The following FBXO25 variants were observed in gnomAD, a reference collection of about 807,000 sequenced individuals.
FBXO25 encodes the protein F-box protein 25.
A neutral mutation model predicts 51.9 loss-of-function variants in FBXO25; 45 were observed. The observed-to-expected ratio is 0.87, with a 90% CI of 0.68 to 1.11. The LOEUF is 1.11. FBXO25 is among the 50% of genes most tolerant of loss of function. The pLI, the probability that FBXO25 is intolerant of heterozygous loss-of-function variation, is 0.00. For missense variants in FBXO25, 507 were observed against 428.5 expected (o/e 1.18, Z -1.62); for synonymous variants, 199 against 151.0 (o/e 1.32, Z -2.33).
chr8:440,762 G>C (rs1160694764), intron 5 of FBXO25, among the ~76,000 whole-genome samples: 2 of 149,280 alleles, frequency 1.3e-5, no homozygotes, highest in African/African-American at 2.5e-5. Context: ...GACAGGCCCT[G>C]GTGTGTGATG....
At chr8:453,066 G>C (rs1019405602) in intron 7 of FBXO25, among the ~76,000 whole-genome samples, 1 of 152,194 alleles carries the variant, frequency 6.6e-6, no homozygotes, top group African/African-American at 2.4e-5. Flanking sequence ...TACAGCCCTG[G>C]TAGGCAGAGC....
At chr8:456,504 G>T (rs1799440353) in intron 7 of FBXO25, among the ~76,000 whole-genome samples, 1 of 152,226 alleles carries the variant, frequency 6.6e-6, no homozygotes, top group South Asian at 2.1e-4. Flanking sequence ...GGACCATGCT[G>T]GCTGCTGGGG....
intron 1 of FBXO25, among the ~76,000 whole-genome samples, chr8:412,718 C>T (rs964448784): frequency 7.9e-5 from 12 of 152,278 alleles, no homozygotes; most frequent in African/African-American, 2.6e-4. Flanking sequence ...ATTTCATTTT[C>T]GGTTGCTTCT....
rs992652702 is a variant in FBXO25, at chr8:469,933, T to C, written c.*1129T>C. 1.3e-5 allele frequency: 2 copies of C among 152,164 alleles called. No homozygotes were observed. The highest frequency in any genetic ancestry group is 4.8e-5 in the African/African-American group (2 of 41,446). 9.4% of individuals were successfully genotyped at this position (152,164 alleles called of 1,614,324 possible). On this transcript the variant is annotated 3_prime_UTR_variant, in exon 10 of 10. Transcript: ENST00000350302. ...CCCCACTTCTGTGAACTGACACAAA[T>C]GGCCAAGAATGCATTTATTTGTCAA...
Position 468,882 on chromosome 8 carries a change from T to G in FBXO25, c.*78T>G. On this transcript the variant is annotated 3_prime_UTR_variant, in exon 10 of 10. Transcript: ENST00000350302. ...GGCTCATAGTGAGTGTTCTGTGAGG[T>G]GGGTGGAGACTCCTCGGAAGCCCCT... 6 of 1,400,082 alleles carry G rather than the reference T, an allele frequency of 4.3e-6. No homozygotes were observed. Among genetic ancestry groups the G allele is most frequent in the Non-Finnish European group, 5.9e-6 (6 of 1,017,704 alleles). The allele number at this position is 1,400,082 out of a possible 1,614,324, so 86.7% of individuals were successfully genotyped here. A position where few individuals can be genotyped will look rare whatever the true frequency, so the allele number is the denominator to read the frequency against.
chr8:475,657 T>G lies in FBXO25; in HGVS notation c.*6853T>G, dbSNP rs1402079882. The G allele has an allele frequency of 1.3e-5, 2 of 152,218 alleles. No homozygotes were observed. Among genetic ancestry groups the G allele is most frequent in the Non-Finnish European group, 2.9e-5 (2 of 68,030 alleles). The allele number at this position is 152,218 out of a possible 1,614,324, so 9.4% of individuals were successfully genotyped here. Reference sequence around the variant, plus strand: ...TTCCTTAAGTTTATTCCTAAATATTTCAGTTTTTTTGTTACTATTATAATG... The same window carrying G: ...TTCCTTAAGTTTATTCCTAAATATTGCAGTTTTTTTGTTACTATTATAATG... On this transcript the variant is annotated 3_prime_UTR_variant, in exon 10 of 10. Transcript: ENST00000350302.
Position 476,059 on chromosome 8 carries a change from T to TGTTGA in FBXO25, c.*7259_*7263dup, listed in dbSNP as rs1174314892. The TGTTGA allele has an allele frequency of 6.6e-6, 1 of 152,152 alleles. No individual in the cohort carries two copies. Among genetic ancestry groups the TGTTGA allele is most frequent in the Admixed American group, 6.5e-5 (1 of 15,290 alleles). 9.4% of individuals were successfully genotyped at this position (152,152 alleles called of 1,614,324 possible). On this transcript the variant is annotated 3_prime_UTR_variant, in exon 10 of 10. Coordinates refer to ENST00000350302, the MANE Select transcript of FBXO25 (RefSeq NM_183420.2). The stretch of plus-strand genomic sequence containing the variant: ...TAGGTTGTTTCCTTCTATTCCCAAT[T>TGTTGA]GTTGAGTTTTTATCATGAAAGGGCA...
At chr8:423,231 A>C (rs1251821629) in intron 2 of FBXO25, among the ~76,000 whole-genome samples, 1 of 152,186 alleles carries the variant, frequency 6.6e-6, no homozygotes, top group Non-Finnish European at 1.5e-5. Context: ...TTTTCATGTC[A>C]GCTGGGGCTA....
At chr8:417,325 G>A (rs1796867879) in intron 2 of FBXO25, among the ~76,000 whole-genome samples, 1 of 152,196 alleles carries the variant, frequency 6.6e-6, no homozygotes, top group African/African-American at 2.4e-5. Context: ...CTTCCAAGAC[G>A]CAGGACAGAA....
intron 5 of FBXO25, among the ~76,000 whole-genome samples, chr8:448,394 A>G (rs1431993695): frequency 6.6e-6 from 1 of 152,222 alleles, no homozygotes; most frequent in African/African-American, 2.4e-5. Flanking sequence ...GAGGGAAAAG[A>G]TCAGGGTGGC....
intron 2 of FBXO25, among the ~76,000 whole-genome samples, chr8:428,375 C>T (rs1797617649): frequency 6.6e-6 from 1 of 152,004 alleles, no homozygotes; most frequent in African/African-American, 2.4e-5. Context: ...TGTGTTTGTG[C>T]CCTGTATTTT....
intron 9 of FBXO25, among the ~76,000 whole-genome samples, chr8:468,444 C>T (rs1300730186): frequency 2.0e-5 from 3 of 152,130 alleles, no homozygotes; most frequent in South Asian, 2.1e-4. Flanking sequence ...GCAGCTGGCT[C>T]CTCTGACTCA....
At position 477,125 on chromosome 8, in the gene FBXO25, C is replaced by T. The variant is rs1455539102; in HGVS notation, c.*8321C>T. 1 of 152,194 alleles carries T rather than the reference C, an allele frequency of 6.6e-6. No homozygotes were observed. The highest frequency in any genetic ancestry group is 1.5e-5 in the Non-Finnish European group (1 of 68,044). 9.4% of individuals were successfully genotyped at this position (152,194 alleles called of 1,614,324 possible). On this transcript the variant is annotated 3_prime_UTR_variant, in exon 10 of 10. Coordinates refer to ENST00000350302, the MANE Select transcript of FBXO25 (RefSeq NM_183420.2). ...TTTGTCTGTTACTGATTTCTAGTTT[C>T]ATCCCACTGTGGCCAGAAAAGATAT...
Position 474,779 on chromosome 8 carries a change from C to T in FBXO25, c.*5975C>T. The T allele has an allele frequency of 4.4e-6, 2 of 456,512 alleles. No homozygotes were observed. The highest frequency in any genetic ancestry group is 3.1e-5 in the South Asian group (2 of 64,510). 28.3% of individuals were successfully genotyped at this position (456,512 alleles called of 1,614,324 possible). A position where few individuals can be genotyped will look rare whatever the true frequency, so the allele number is the denominator to read the frequency against. On this transcript the variant is annotated 3_prime_UTR_variant, in exon 10 of 10. Coordinates refer to ENST00000350302, the MANE Select transcript of FBXO25 (RefSeq NM_183420.2). ...GATATATCATTTTAAAATACTTTGT[C>T]CCATTCCGTGGATTGCCTTTCACTC...
chr8:443,519 A>G (rs1393142637), intron 5 of FBXO25, among the ~76,000 whole-genome samples: 10 of 151,658 alleles, frequency 6.6e-5, no homozygotes, highest in South Asian at 2.1e-4. Flanking sequence ...CAGAGTCAAA[A>G]TGGTTCCCAA....
At chr8:408,983 G>A (rs1485151341) in intron 1 of FBXO25, among the ~76,000 whole-genome samples, 1 of 152,100 alleles carries the variant, frequency 6.6e-6, no homozygotes, top group Non-Finnish European at 1.5e-5. Flanking sequence ...ATTAAAATAA[G>A]CGTATAAAGC....
At chr8:466,115 G>C (rs1413911709) in intron 9 of FBXO25, among the ~76,000 whole-genome samples, 1 of 152,208 alleles carries the variant, frequency 6.6e-6, no homozygotes, top group East Asian at 1.9e-4. Context: ...CTAGAAGGCA[G>C]TCCACGTTTT....
At chr8:426,033 C>T (rs540110896) in intron 2 of FBXO25, among the ~76,000 whole-genome samples, 42 of 152,194 alleles carry the variant, frequency 2.8e-4, no homozygotes, top group African/African-American at 5.3e-4. Flanking sequence ...ATCTTCTGCC[C>T]GCCTCTACCA....
intron 1 of FBXO25, among the ~76,000 whole-genome samples, chr8:411,535 C>T (rs1216884308): frequency 3.9e-5 from 6 of 152,112 alleles, no homozygotes; most frequent in Non-Finnish European, 5.9e-5. Flanking sequence ...TCTAGTCTAA[C>T]TCTCTTCTGA....
Sources: allele counts gnomAD v4.1 joint callset (sites outside exome capture counted in the v4.1 genomes callset), GRCh38; gene constraint gnomAD v4.1.1; transcripts MANE v1.5; gene names NCBI Gene and HGNC (gene_info 2026-07-23, HGNC 2026-07-21).